The following TMEM123 variants were observed in gnomAD, a reference collection of about 807,000 sequenced individuals.
TMEM123 encodes porimin.
A neutral mutation model predicts 19.7 loss-of-function variants in TMEM123; 16 were observed. The ratio of observed to expected loss-of-function variants is 0.81; its 90% CI spans 0.55 to 1.23. TMEM123 has a LOEUF of 1.23. Ranked by LOEUF, TMEM123 falls within the 50% of genes most tolerant of loss-of-function variation. TMEM123 has a pLI of 0.00. For synonymous variants in TMEM123, 118 were observed against 99.4 expected (o/e 1.19, Z -1.12); for missense variants, 313 against 257.8 (o/e 1.21, Z -1.47).
chr11:102,448,447 G>T (rs1857906137), intron 2 of TMEM123: 1 of 340,346 alleles, frequency 2.9e-6, no homozygotes, highest in South Asian at 2.3e-5. Context: ...TGGCTGACTA[G>T]TTTACAGTGA....
intron 2 of TMEM123, among the ~76,000 whole-genome samples, chr11:102,436,747 AGAAG>A (rs1345257713): frequency 1.4e-5 from 2 of 147,584 alleles, no homozygotes; most frequent in East Asian, 3.9e-4. Context: ...TTAGTCTGAA[AGAAG>A]GAAGTCATGG....
intron 2 of TMEM123, among the ~76,000 whole-genome samples, chr11:102,433,214 G>C (rs1857730721): frequency 6.6e-6 from 1 of 151,952 alleles, no homozygotes; most frequent in East Asian, 1.9e-4. Flanking sequence ...AAAAGCCACA[G>C]ACACTCAACG....
intron 2 of TMEM123, among the ~76,000 whole-genome samples, chr11:102,403,217 C>G (rs1423497186): frequency 6.6e-6 from 1 of 152,188 alleles, no homozygotes; most frequent in Non-Finnish European, 1.5e-5. Flanking sequence ...ACCATGTTGG[C>G]CAGGCTGGTC....
intron 4 of TMEM123, among the ~76,000 whole-genome samples, chr11:102,399,889 G>GA (rs1170243869): frequency 6.6e-6 from 1 of 151,606 alleles, no homozygotes; most frequent in Non-Finnish European, 1.5e-5. Flanking sequence ...AGAATAGCTT[G>GA]AACCCAGGAG....
chr11:102,428,038 TA>T (rs151270621), intron 2 of TMEM123, among the ~76,000 whole-genome samples: 3 of 137,648 alleles, frequency 2.2e-5, no homozygotes, highest in African/African-American at 5.1e-5. Flanking sequence ...GAGATGCTGA[TA>T]AAAAAAAGTG....
In TMEM123 at chr11:102,410,648, T is replaced by C. The variant is rs148191195; in HGVS notation, c.158-8442A>G. 3.3e-5 allele frequency among the ~76,000 whole-genome samples: 5 copies of C among 152,264 alleles called. No individual in the cohort carries two copies. In the East Asian group the frequency reaches 7.7e-4, roughly 24 times the overall value. On this transcript the variant is annotated intron_variant, in intron 2 of 4. Coordinates refer to ENST00000398136, the MANE Select transcript of TMEM123 (RefSeq NM_052932.3). ...CTCCAGGGAGCAGAATTCACTCTGC[T>C]ATTCCTCCTTATCACACCCCTGTTA...
At chr11:102,438,167 C>T (rs1355809210) in intron 2 of TMEM123, among the ~76,000 whole-genome samples, 5 of 152,178 alleles carry the variant, frequency 3.3e-5, no homozygotes, top group Admixed American at 6.5e-5. Context: ...ATTCTCCTGC[C>T]TCAGCCTCCT....
chr11:102,399,034 A>G (rs1951886464), intron 4 of TMEM123, 143 bp from the exon 5 acceptor site: 3 of 696,756 alleles, frequency 4.3e-6, no homozygotes, highest in African/African-American at 1.8e-5. Flanking sequence ...AAGTTCCTTA[A>G]GTATCCAATA....
intron 2 of TMEM123, among the ~76,000 whole-genome samples, chr11:102,436,867 T>C (rs1857768334): frequency 6.6e-6 from 1 of 152,218 alleles, no homozygotes; most frequent in Non-Finnish European, 1.5e-5. Context: ...GAATTCATTC[T>C]CCTATTCACA....
At chr11:102,399,655 C>A (rs1443641145) in intron 4 of TMEM123, among the ~76,000 whole-genome samples, 2 of 152,182 alleles carry the variant, frequency 1.3e-5, no homozygotes, top group Admixed American at 6.5e-5. Flanking sequence ...TGCAACGTAA[C>A]TTTAAATATA....
chr11:102,444,902 A>C (rs935227014), intron 2 of TMEM123, among the ~76,000 whole-genome samples: 1 of 151,948 alleles, frequency 6.6e-6, no homozygotes, highest in South Asian at 2.1e-4. Flanking sequence ...CATCATTCTC[A>C]GCAAACTATC....
At chr11:102,424,145 GTC>G (rs1228878181) in intron 2 of TMEM123, among the ~76,000 whole-genome samples, 1 of 152,148 alleles carries the variant, frequency 6.6e-6, no homozygotes, top group Non-Finnish European at 1.5e-5. Flanking sequence ...CAACAGTTGA[GTC>G]TGTCACCAAA....
At chr11:102,450,368 A>T (rs1857925558) in intron 1 of TMEM123, among the ~76,000 whole-genome samples, 1 of 152,188 alleles carries the variant, frequency 6.6e-6, no homozygotes, top group South Asian at 2.1e-4. Context: ...GTCACTTGCC[A>T]CTAAGAGTAA....
chr11:102,437,510 T>C (rs545450053), intron 2 of TMEM123, among the ~76,000 whole-genome samples: 1 of 152,184 alleles, frequency 6.6e-6, no homozygotes, highest in African/African-American at 2.4e-5. Context: ...ATGTTCCCTT[T>C]CATAGTTCAC....
chr11:102,428,117 G>T (rs549061596), intron 2 of TMEM123, among the ~76,000 whole-genome samples: 1 of 152,074 alleles, frequency 6.6e-6, no homozygotes. Context: ...TCCTGGGAGT[G>T]TGAGTCTATC....
intron 2 of TMEM123, among the ~76,000 whole-genome samples, chr11:102,411,738 C>CA (rs1008789480): frequency 6.6e-6 from 1 of 151,146 alleles, no homozygotes; most frequent in African/African-American, 2.4e-5. Flanking sequence ...TATAGAGAAA[C>CA]AGTATTTTCC....
At chr11:102,428,764 T>C (rs578259235) in intron 2 of TMEM123, among the ~76,000 whole-genome samples, 1 of 152,232 alleles carries the variant, frequency 6.6e-6, no homozygotes, top group Non-Finnish European at 1.5e-5. Context: ...CCAATTTAAG[T>C]GGTACATTTT....
At chr11:102,429,808 T>C (rs1952160381) in intron 2 of TMEM123, among the ~76,000 whole-genome samples, 1 of 152,182 alleles carries the variant, frequency 6.6e-6, no homozygotes, top group Non-Finnish European at 1.5e-5. Context: ...TGCTCCACCA[T>C]CACTAAAGCC....
chr11:102,412,963 A>G (rs1269920834), intron 2 of TMEM123, among the ~76,000 whole-genome samples: 2 of 152,216 alleles, frequency 1.3e-5, no homozygotes, highest in African/African-American at 4.8e-5. Context: ...AATAAGTAAC[A>G]TATTTCTCAA....
Sources: allele counts gnomAD v4.1 joint callset (sites outside exome capture counted in the v4.1 genomes callset), GRCh38; gene constraint gnomAD v4.1.1; transcripts MANE v1.5; gene names NCBI Gene and HGNC (gene_info 2026-07-23, HGNC 2026-07-21).